Variants in AHR observed in about 807,000 individuals in gnomAD.
AHR encodes aryl hydrocarbon receptor.
AHR carries 40 observed loss-of-function variants against 86.8 expected under a neutral mutation model. The ratio of observed to expected loss-of-function variants is 0.46; its 90% CI spans 0.36 to 0.60. The LOEUF is 0.60. Among genes scored for constraint, AHR ranks in the 20% least tolerant of loss-of-function variants. AHR has a pLI of 0.00. For synonymous variants in AHR, 398 were observed against 354.9 expected (o/e 1.12, Z -1.37); for missense variants, 1,001 against 1,011.6 (o/e 0.99, Z 0.14).
chr7:17,328,785 G>C (rs1452924602), intron 4 of AHR, among the ~76,000 whole-genome samples: 1 of 151,888 alleles, frequency 6.6e-6, no homozygotes, highest in African/African-American at 2.4e-5. Context: ...TTGTGTTTCA[G>C]ATGCAACTTT....
At chr7:17,330,181 G>C (rs1210446932) in intron 5 of AHR, 106 bp downstream of exon 5, 1 of 1,095,608 alleles carries the variant, frequency 9.1e-7, no homozygotes, top group African/African-American at 1.6e-5. Context: ...TAGGGAAGTA[G>C]TGGAAAGATG....
intron 3 of AHR, among the ~76,000 whole-genome samples, chr7:17,325,416 A>G (rs1782217920): frequency 1.3e-5 from 2 of 152,208 alleles, no homozygotes; most frequent in Non-Finnish European, 2.9e-5. Context: ...GAATGTGATC[A>G]ATGGATAATC....
At chr7:17,330,515 A>G (rs1402327721) in intron 5 of AHR, among the ~76,000 whole-genome samples, 1 of 151,948 alleles carries the variant, frequency 6.6e-6, no homozygotes, top group Non-Finnish European at 1.5e-5. Flanking sequence ...AATGCATTAG[A>G]AAATATGAAA....
At chr7:17,338,696 TCCACACAA>T in intron 9 of AHR, among the ~76,000 whole-genome samples, 1 of 152,212 alleles carries the variant, frequency 6.6e-6, no homozygotes, top group South Asian at 2.1e-4. Flanking sequence ...AGATATTTAT[TCCACACAA>T]ATTTATTATT....
Position 17,322,585 on chromosome 7 carries a change from A to G in AHR, c.338A>G (p.Gln113Arg), listed in dbSNP as rs1178000370. The change falls in exon 3 of 11, where the codon CAA becomes CGA. Residue 113 changes from glutamine (Q) to arginine (R), a missense_variant. Gln to Arg is a conservative substitution (Grantham distance 43). This residue lies in a region of AHR where 394 missense variants were observed against 468.5 expected (regional missense o/e 0.84). Transcript: ENST00000242057. ...AATTTCAGAGAAGGCCTGAACTTAC[A>G]AGAAGGAGAATTCTTATTACAGGTA... is the stretch of plus-strand genomic sequence containing the variant. Reference protein sequence around the residue: ...AANFREGLNLQEGEFLLQALN... With the variant: ...AANFREGLNLREGEFLLQALN... 1 of 1,610,222 alleles carries G rather than the reference A, an allele frequency of 6.2e-7. No homozygotes were observed.
Position 17,310,005 on chromosome 7 carries a change from A to G in AHR, c.135A>G (p.Thr45=). Residue 45 remains threonine (T), a synonymous_variant, in exon 2 of 11, where the codon ACA becomes ACG. Transcript: ENST00000242057. Reference sequence around the variant, plus strand: ...AGCGGCATAGAGACCGACTTAATACAGAGTTGGACCGTTTGGCTAGCCTGC... The same window carrying G: ...AGCGGCATAGAGACCGACTTAATACGGAGTTGGACCGTTTGGCTAGCCTGC... The part of the protein sequence containing the change: ...PSKRHRDRLN[T]ELDRLASLLP... 3 of 1,613,372 alleles carry G rather than the reference A, an allele frequency of 1.9e-6. No homozygotes were observed. Among genetic ancestry groups the G allele is most frequent in the South Asian group, 1.1e-5 (1 of 90,998 alleles).
At chr7:17,337,137 T>A (rs1435456383) in intron 9 of AHR, among the ~76,000 whole-genome samples, 3 of 152,124 alleles carry the variant, frequency 2.0e-5, no homozygotes, top group Non-Finnish European at 4.4e-5. Context: ...CTTTTTGGTG[T>A]TTGGGGATTT....
intron 1 of AHR, among the ~76,000 whole-genome samples, chr7:17,307,558 C>T (rs971035646): frequency 7.2e-5 from 11 of 152,034 alleles, no homozygotes; most frequent in Non-Finnish European, 1.2e-4. Context: ...TAGACAAAAG[C>T]GGCTTCAATA....
intron 6 of AHR, among the ~76,000 whole-genome samples, chr7:17,331,689 G>A (rs1045929644): frequency 6.6e-6 from 1 of 151,918 alleles, no homozygotes; most frequent in East Asian, 1.9e-4. Context: ...AGGAGATGCT[G>A]TTTTCTTGTT....
chr7:17,339,109 A>C lies in AHR; in HGVS notation c.1284A>C (p.Pro428=), dbSNP rs1224872119. Residue 428 remains proline (P), a synonymous_variant, in exon 10 of 11, where the codon CCA becomes CCC. Coordinates refer to ENST00000242057, the MANE Select transcript of AHR (RefSeq NM_001621.5). ...NPFPAIMDPL[P]LRTKNGTSGK... ...TTCCTGCCATAATGGATCCCTTACC[A>C]CTAAGGACTAAAAATGGCACTAGTG... 6.2e-7 allele frequency: 1 copy of C among 1,613,996 alleles called. No homozygotes were observed. Among genetic ancestry groups the C allele is most frequent in the Non-Finnish European group, 8.5e-7 (1 of 1,180,034 alleles).
Position 17,327,749 on chromosome 7 carries a change from T to G in AHR, c.361-10T>G. On this transcript the variant is annotated splice_polypyrimidine_tract_variant and intron_variant, in intron 3 of 10. Transcript: ENST00000242057. ...CATATTACTAATTTTAGAACTTCCT[T>G]TCCTTGTAGGCTCTGAATGGCTTTG... 1 of 1,529,258 alleles carries G rather than the reference T, an allele frequency of 6.5e-7. No homozygotes were observed. Among genetic ancestry groups the G allele is most frequent in the Non-Finnish European group, 8.9e-7 (1 of 1,119,732 alleles). 94.7% of individuals were successfully genotyped at this position (1,529,258 alleles called of 1,614,324 possible).
rs867733178 is a variant in AHR at position 17,316,036 on chromosome 7, G to T, written c.253+5913G>T. Among the ~76,000 whole-genome samples the T allele has an allele frequency of 3.7e-4, 56 of 152,242 alleles. 1 individual carries two copies. In the Middle Eastern group the frequency reaches 0.024, roughly 65 times the overall value. Reference sequence around the variant, plus strand: ...TAAGATGTTTTAAGGATGAGCAGGGGTAGTAAAAAGTGAAATCTGTGGAGT... The same window carrying T: ...TAAGATGTTTTAAGGATGAGCAGGGTTAGTAAAAAGTGAAATCTGTGGAGT... On this transcript the variant is annotated intron_variant, in intron 2 of 10. Transcript: ENST00000242057.
intron 4 of AHR, 141 bp from the exon 5 acceptor site, chr7:17,329,811 G>T: frequency 1.4e-6 from 1 of 712,482 alleles, no homozygotes; most frequent in Non-Finnish European, 2.1e-6. Context: ...TATCTTAGGT[G>T]ACTAGGGAAT....
rs1782442053 is a variant in AHR at position 17,342,964 on chromosome 7, A to T, written c.2447A>T (p.Asn816Ile). 6.2e-7 allele frequency: 1 copy of T among 1,613,360 alleles called. No individual in the cohort carries two copies. The highest frequency in any genetic ancestry group is 1.3e-5 in the African/African-American group (1 of 74,936). ...AATGAAACATATCCAGCTGAATTAA[A>T]TAACATAAATAACACTCAGACTACC... is the stretch of plus-strand genomic sequence containing the variant. ...VLNETYPAEL[N>I]NINNTQTTTH... Residue 816 changes from asparagine (N) to isoleucine (I), a missense_variant, in exon 11 of 11, where the codon AAT becomes ATT. Asn to Ile is a moderately radical substitution (Grantham distance 149, BLOSUM62 -3). Coordinates refer to ENST00000242057, the MANE Select transcript of AHR (RefSeq NM_001621.5).
intron 10 of AHR, among the ~76,000 whole-genome samples, chr7:17,342,422 C>T (rs1782435993): frequency 6.6e-6 from 1 of 151,972 alleles, no homozygotes; most frequent in Non-Finnish European, 1.5e-5. Context: ...GAAAATCATA[C>T]CTGTGGTGTA....
At chr7:17,337,727 A>G (rs564489858) in intron 9 of AHR, among the ~76,000 whole-genome samples, 178 of 150,742 alleles carry the variant, frequency 1.2e-3, no homozygotes, top group Non-Finnish European at 2.1e-3. Context: ...CGCCCGCCTC[A>G]GCCTCCCAAA....
chr7:17,313,010 A>G (rs1782081489), intron 2 of AHR, among the ~76,000 whole-genome samples: 1 of 152,204 alleles, frequency 6.6e-6, no homozygotes, highest in Non-Finnish European at 1.5e-5. Context: ...CAAACATACA[A>G]AATTTAAAGA....
Position 17,339,212 on chromosome 7 carries a change from C to T in AHR, c.1387C>T (p.Gln463Ter). Residue 463 changes from glutamine (Q) to a stop codon, truncating the protein, a stop_gained, in exon 10 of 11, where the codon CAA (glutamine) becomes TAA (stop). Transcript: ENST00000242057. LOFTEE classifies it high-confidence loss of function. ...PSSLLAAMMQQDESIYLYPAS... is the reference protein window; with the variant it reads ...PSSLLAAMMQ ...TTCCCTCCTGGCTGCCATGATGCAA[C>T]AAGATGAGTCTATTTATCTCTATCC... The T allele has an allele frequency of 6.2e-7, 1 of 1,614,186 alleles. No homozygotes were observed. Among genetic ancestry groups the T allele is most frequent in the Non-Finnish European group, 8.5e-7 (1 of 1,180,022 alleles).
chr7:17,339,935 A>C lies in AHR; in HGVS notation c.2110A>C (p.Asn704His), dbSNP rs769146919. ...TTATACACAGAACTTTATTTCCTGT[A>C]ATCAGCCTGTATTACCACAACATTC... ...MPYTQNFISC[N>H]QPVLPQHSKC... Residue 704 changes from asparagine (N) to histidine (H), a missense_variant, in exon 10 of 11, where the codon AAT becomes CAT. Coordinates refer to ENST00000242057, the MANE Select transcript of AHR (RefSeq NM_001621.5). 41 of 1,614,084 alleles carry C rather than the reference A, an allele frequency of 2.5e-5. No individual in the cohort carries two copies. The highest frequency in any genetic ancestry group is 3.5e-5 in the Non-Finnish European group (41 of 1,180,024).
Sources: allele counts gnomAD v4.1 joint callset (sites outside exome capture counted in the v4.1 genomes callset), GRCh38; gene constraint gnomAD v4.1.1; regional missense constraint gnomAD v4.1.1; transcripts MANE v1.5; gene names NCBI Gene and HGNC (gene_info 2026-07-23, HGNC 2026-07-21).